The following SLC16A14 variants were observed in gnomAD, a reference collection of about 807,000 sequenced individuals.
SLC16A14 encodes solute carrier family 16 member 14, also known as monocarboxylate transporter 14.
Under a neutral mutation model 35.8 loss-of-function variants are expected in SLC16A14, and 14 were observed. The observed-to-expected ratio is 0.39, with a 90% CI of 0.26 to 0.61. The LOEUF is 0.61. Ranked by LOEUF, SLC16A14 falls within the 20% of genes least tolerant of loss-of-function variation. The probability of loss-of-function intolerance (pLI) is 0.51; values close to 1 mark genes in which losing one functional copy is unlikely to be tolerated. For synonymous variants in SLC16A14, 248 were observed against 258.9 expected (o/e 0.96, Z 0.40); for missense variants, 533 against 655.0 (o/e 0.81, Z 2.03).
chr2:230,043,379 C>T (rs930273427), intron 4 of SLC16A14, among the ~76,000 whole-genome samples: 2 of 152,226 alleles, frequency 1.3e-5, no homozygotes, highest in Admixed American at 6.5e-5. Context: ...TTGGTGCAAG[C>T]TCTCTGCCAG....
chr2:230,058,548 A>G (rs1240295269), intron 2 of SLC16A14, among the ~76,000 whole-genome samples: 4 of 152,186 alleles, frequency 2.6e-5, no homozygotes, highest in Admixed American at 2.6e-4. Flanking sequence ...TGGGAAGATG[A>G]AAAAAAGTTC....
rs989639053 is a variant in SLC16A14 at position 230,046,313 on chromosome 2, G to A, written c.813C>T (p.Ala271=). 1.9e-6 allele frequency: 3 copies of A among 1,614,140 alleles called. No homozygotes were observed. Among genetic ancestry groups the A allele is most frequent in the Non-Finnish European group, 1.7e-6 (2 of 1,180,022 alleles). The change falls in exon 4 of 5, where the codon GCC becomes GCT. Residue 271 remains alanine (A), a synonymous_variant. Transcript: ENST00000295190. This position sits in a 1 kb window ranked among gnomAD's most constrained non-coding sequence, Gnocchi z 5.0. ...GGGCACACATGTTCTTCCTGTGCCC[G>A]GCCTGATCGGGGCACTCCTGGGCTT... ...DLQAQECPDQ[A]GHRKNMCALR...
intron 2 of SLC16A14, among the ~76,000 whole-genome samples, chr2:230,050,884 G>T (rs547728524): frequency 2.6e-5 from 4 of 152,108 alleles, no homozygotes; most frequent in Non-Finnish European, 5.9e-5. Context: ...GTACAGGAAG[G>T]GAGTCTTCAG....
At position 230,058,985 on chromosome 2, in the gene SLC16A14, G is replaced by A. The variant is rs1325943151; in HGVS notation, c.259+109C>T. The stretch of plus-strand genomic sequence containing the variant: ...ATTTTATCACAATTGAAAAATAGTA[G>A]CTAGTAACATCCAATATCGAATGTT... On this transcript the variant is annotated intron_variant, in intron 2 of 4. Transcript: ENST00000295190. 6.8e-6 allele frequency: 10 copies of A among 1,481,342 alleles called. No individual in the cohort carries two copies. In the Admixed American group the frequency reaches 2.0e-4, roughly 29 times the overall value. The allele number at this position is 1,481,342 out of a possible 1,614,324, so 91.8% of individuals were successfully genotyped here.
chr2:230,041,573 GC>G lies in SLC16A14; in HGVS notation c.1382-4043del, dbSNP rs1424687640. 4.6e-5 allele frequency among the ~76,000 whole-genome samples: 7 copies of G among 152,004 alleles called. No homozygotes were observed. In the East Asian group the frequency reaches 1.4e-3, roughly 29 times the overall value. ...TCCAACTCCTGACCTCAGGTGATCC[GC>G]CCATCTCCGCCTCTCAAAGTGCTGG... is the stretch of plus-strand genomic sequence containing the variant. On this transcript the variant is annotated intron_variant, in intron 4 of 4. Transcript: ENST00000295190.
chr2:230,054,810 G>T (rs1003370879), intron 2 of SLC16A14, among the ~76,000 whole-genome samples: 1 of 151,502 alleles, frequency 6.6e-6, no homozygotes, highest in African/African-American at 2.4e-5. Context: ...CAGGAGAATC[G>T]CTGGAACCCA....
intron 2 of SLC16A14, among the ~76,000 whole-genome samples, chr2:230,050,668 TCTC>T (rs2077653119): frequency 6.6e-6 from 1 of 152,194 alleles, no homozygotes; most frequent in Non-Finnish European, 1.5e-5. Flanking sequence ...ATGTTCACCT[TCTC>T]CTCCTATCAA....
intron 1 of SLC16A14, among the ~76,000 whole-genome samples, chr2:230,061,453 G>T (rs1209320419): frequency 6.6e-6 from 1 of 152,168 alleles, no homozygotes; most frequent in East Asian, 1.9e-4. Context: ...GTTCAGAATT[G>T]TTGGCAAAAC....
chr2:230,053,780 A>C (rs5028780), intron 2 of SLC16A14, among the ~76,000 whole-genome samples: 130,605 of 151,678 alleles, frequency 0.86, 57,022 homozygotes, highest in East Asian at 0.99. Flanking sequence ...GACTTCATCT[A>C]AAAAAAAAAG....
chr2:230,045,680 G>C, intron 4 of SLC16A14, 65 bp downstream of exon 4: 1 of 1,557,452 alleles, frequency 6.4e-7, no homozygotes, highest in Non-Finnish European at 8.8e-7. Context: ...CTTTATCTGG[G>C]ACTTTATAAC....
intron 2 of SLC16A14, among the ~76,000 whole-genome samples, chr2:230,056,791 G>A (rs978424912): frequency 6.6e-6 from 1 of 151,044 alleles, no homozygotes. Flanking sequence ...GATCGCTTGA[G>A]CCCAGGTGTT....
intron 4 of SLC16A14, among the ~76,000 whole-genome samples, chr2:230,042,282 G>T (rs1227625143): frequency 6.6e-6 from 1 of 152,194 alleles, no homozygotes; most frequent in Non-Finnish European, 1.5e-5. Flanking sequence ...TGAGGGTTGA[G>T]TATAACTCCC....
At chr2:230,052,045 T>C (rs1320664906) in intron 2 of SLC16A14, among the ~76,000 whole-genome samples, 3 of 151,828 alleles carry the variant, frequency 2.0e-5, no homozygotes. Flanking sequence ...CGCGCCATTC[T>C]CCTGCCTCAG....
intron 1 of SLC16A14, among the ~76,000 whole-genome samples, chr2:230,064,326 G>GTGTGTC (rs2077775180): frequency 3.9e-5 from 6 of 151,952 alleles, no homozygotes; most frequent in Admixed American, 3.3e-4. Flanking sequence ...GTGTGTGTGT[G>GTGTGTC]TGTGTCTGTG....
chr2:230,042,052 C>A (rs1021349305), intron 4 of SLC16A14, among the ~76,000 whole-genome samples: 3 of 152,172 alleles, frequency 2.0e-5, no homozygotes, highest in Admixed American at 1.3e-4. Context: ...ATGAAGAAAC[C>A]AACAAATGCA....
intron 2 of SLC16A14, among the ~76,000 whole-genome samples, chr2:230,051,601 A>G (rs1201614803): frequency 6.6e-6 from 1 of 152,212 alleles, no homozygotes; most frequent in African/African-American, 2.4e-5. Flanking sequence ...ATGAGCTAGT[A>G]CTCAATATTC....
intron 2 of SLC16A14, 96 bp from the exon 3 acceptor site, chr2:230,050,000 T>A: frequency 1.4e-6 from 2 of 1,421,874 alleles, no homozygotes; most frequent in Non-Finnish European, 1.9e-6. Flanking sequence ...AAAATGTCAC[T>A]AGAGCTGTTA....
chr2:230,045,774 A>G lies in SLC16A14; in HGVS notation c.1352T>C (p.Ile451Thr). 1 of 1,614,206 alleles carries G rather than the reference A, an allele frequency of 6.2e-7. No homozygotes were observed. Among genetic ancestry groups the G allele is most frequent in the Non-Finnish European group, 8.5e-7 (1 of 1,180,042 alleles). The change falls in exon 4 of 5, where the codon ATC becomes ACC. Residue 451 changes from isoleucine to threonine, a missense_variant. Coordinates refer to ENST00000295190, the MANE Select transcript of SLC16A14 (RefSeq NM_152527.5). ...AYGIIICANG[I>T]SALLGPPFAG... Reference sequence around the variant, plus strand: ...AAAAGGTGGTCCCAGCAATGCAGAGATGCCATTAGCACAGATGATGATGCC... The same window carrying G: ...AAAAGGTGGTCCCAGCAATGCAGAGGTGCCATTAGCACAGATGATGATGCC...
chr2:230,042,787 G>A lies in SLC16A14; in HGVS notation c.1381+2958C>T, dbSNP rs76625333. 3.5e-4 allele frequency among the ~76,000 whole-genome samples: 54 copies of A among 152,306 alleles called. No individual in the cohort carries two copies. The East Asian group carries it at 0.01, about 29-fold the overall frequency. On this transcript the variant is annotated intron_variant, in intron 4 of 4. Transcript: ENST00000295190. ...ACAGCTCCCCTTGAAGCTTGAACTA[G>A]CTGTGTGATATAGTTCTGGCCAATC...
Sources: gnomAD v4.1 joint callset for allele counts (sites outside exome capture counted in the v4.1 genomes callset) on GRCh38, gnomAD v4.1.1 for gene constraint, Gnocchi (gnomAD v3.1) non-coding constraint, MANE v1.5 for transcripts, NCBI Gene and HGNC (gene_info 2026-07-23, HGNC 2026-07-21) for gene names.